TMEM87B: variants seen among roughly 807,000 people sequenced by gnomAD.
TMEM87B encodes the protein transmembrane protein 87B.
In TMEM87B, 83 loss-of-function variants were observed where a neutral mutation model predicts 80.3. The ratio of observed to expected loss-of-function variants is 1.03; its 90% CI spans 0.87 to 1.24. The LOEUF (loss-of-function observed/expected upper bound fraction) is 1.24. Among genes scored for constraint, TMEM87B ranks in the 50% most tolerant of loss-of-function variants. The probability of loss-of-function intolerance (pLI) is 0.00; values close to 1 mark genes in which losing one functional copy is unlikely to be tolerated. For synonymous variants in TMEM87B, 219 were observed against 230.5 expected (o/e 0.95, Z 0.45); for missense variants, 625 against 674.4 (o/e 0.93, Z 0.81).
chr2:112,097,960 A>G (rs939294345), intron 13 of TMEM87B, among the ~76,000 whole-genome samples: 12 of 151,282 alleles, frequency 7.9e-5, no homozygotes, highest in African/African-American at 2.9e-4. Context: ...TGTGTTCAGT[A>G]TGGGCATTCG....
chr2:112,099,368 A>G (rs1429022810), intron 14 of TMEM87B, among the ~76,000 whole-genome samples: 2 of 152,096 alleles, frequency 1.3e-5, no homozygotes, highest in Non-Finnish European at 2.9e-5. Context: ...TCAGATTTTC[A>G]GATTTGGGAT....
chr2:112,088,458 A>C lies in TMEM87B; in HGVS notation c.939-1167A>C, dbSNP rs536529925. 2.0e-4 allele frequency among the ~76,000 whole-genome samples: 31 copies of C among 152,358 alleles called. 1 individual carries two copies. In the Middle Eastern group the frequency reaches 0.017, roughly 84 times the overall value. ...TCTGGTTAGTTGATTATAATGAATC[A>C]GAATTTAGATTCCTTAGATTAGGTA... On this transcript the variant is annotated intron_variant, in intron 9 of 18. Coordinates refer to ENST00000283206, the MANE Select transcript of TMEM87B (RefSeq NM_032824.3).
intron 6 of TMEM87B, among the ~76,000 whole-genome samples, chr2:112,078,431 C>T (rs557028352): frequency 3.9e-5 from 6 of 152,100 alleles, no homozygotes; most frequent in South Asian, 2.1e-4. Context: ...TCTGCTCTCA[C>T]GGGGTGGAGG....
In TMEM87B at chr2:112,097,733, AAAAAC is replaced by A. The variant is rs1679513804; in HGVS notation, c.1272+443_1272+447del. Among the ~76,000 whole-genome samples, 7 of 151,720 alleles carry A rather than the reference AAAAAC, an allele frequency of 4.6e-5. No homozygotes were observed. In the South Asian group the frequency reaches 1.2e-3, roughly 27 times the overall value. The stretch of plus-strand genomic sequence containing the variant: ...ATCTCAAAAAAAAAAAAAAAAAAAA[AAAAAC>A]TTTTAACTCCTCCAAGTGAGTCTGA... On this transcript the variant is annotated intron_variant, in intron 13 of 18. Coordinates refer to ENST00000283206, the MANE Select transcript of TMEM87B (RefSeq NM_032824.3).
chr2:112,060,418 C>T (rs1389856024), intron 2 of TMEM87B, among the ~76,000 whole-genome samples: 2 of 152,094 alleles, frequency 1.3e-5, no homozygotes, highest in East Asian at 3.8e-4. Flanking sequence ...CAAATACATT[C>T]ATGTAAATGA....
At chr2:112,109,573 G>T (rs972122756) in intron 17 of TMEM87B, among the ~76,000 whole-genome samples, 2 of 150,868 alleles carry the variant, frequency 1.3e-5, no homozygotes, top group Non-Finnish European at 2.9e-5. Flanking sequence ...GTTCTCATGT[G>T]TGTGATGTGA....
At position 112,116,852 on chromosome 2, in the gene TMEM87B, T is replaced by C. The variant is rs1267457132; in HGVS notation, c.*709T>C. On this transcript the variant is annotated 3_prime_UTR_variant, in exon 19 of 19. Coordinates refer to ENST00000283206, the MANE Select transcript of TMEM87B (RefSeq NM_032824.3). ...CACTACCAAAGAATTACCCTCATTG[T>C]CCCTCACTCAGGCCATGTGTACATG... The C allele has an allele frequency of 6.6e-6, 1 of 152,586 alleles. No homozygotes were observed. The highest frequency in any genetic ancestry group is 1.9e-4 in the East Asian group (1 of 5,198). The allele number at this position is 152,586 out of a possible 1,614,324, so 9.5% of individuals were successfully genotyped here.
Position 112,081,084 on chromosome 2 carries a change from G to A in TMEM87B, c.620G>A (p.Gly207Glu), listed in dbSNP as rs1573701954. The change falls in exon 7 of 19, where the codon GGA becomes GAA. Residue 207 changes from glycine to glutamate, a missense_variant. Coordinates refer to ENST00000283206, the MANE Select transcript of TMEM87B (RefSeq NM_032824.3). ...NVSLSMIGPHGYISASDWPLM... is the reference protein window; with the variant it reads ...NVSLSMIGPHEYISASDWPLM... ...TCTCTTTCTATGATTGGGCCTCATG[G>A]ATATATCTCTGCATCAGATTGGCCC... is the stretch of plus-strand genomic sequence containing the variant. 4.3e-6 allele frequency: 7 copies of A among 1,612,662 alleles called. No individual in the cohort carries two copies. The highest frequency in any genetic ancestry group is 5.9e-6 in the Non-Finnish European group (7 of 1,179,718).
At chr2:112,082,142 C>T (rs1362363845) in intron 8 of TMEM87B, among the ~76,000 whole-genome samples, 3 of 152,220 alleles carry the variant, frequency 2.0e-5, no homozygotes, top group Non-Finnish European at 4.4e-5. Context: ...AAAGGTACAA[C>T]TCTCCCACCA....
chr2:112,063,834 G>A (rs1678332278), intron 2 of TMEM87B, among the ~76,000 whole-genome samples: 1 of 152,158 alleles, frequency 6.6e-6, no homozygotes, highest in African/African-American at 2.4e-5. Flanking sequence ...CACAGGATGG[G>A]GCTCACTCAG....
chr2:112,078,765 A>G (rs111877423), intron 6 of TMEM87B, among the ~76,000 whole-genome samples: 40 of 152,274 alleles, frequency 2.6e-4, no homozygotes, highest in African/African-American at 7.0e-4. Context: ...TATTATTGCT[A>G]TCTCAGACAA....
At chr2:112,069,591 A>C (rs1678564046) in intron 4 of TMEM87B, among the ~76,000 whole-genome samples, 1 of 152,196 alleles carries the variant, frequency 6.6e-6, no homozygotes. Flanking sequence ...GGTTGATTCC[A>C]TATCTTTGGC....
intron 14 of TMEM87B, 72 bp from the exon 15 acceptor site, chr2:112,100,550 G>A: frequency 1.1e-6 from 1 of 911,336 alleles, no homozygotes; most frequent in Non-Finnish European, 1.7e-6. Context: ...TTATACAATG[G>A]CTTTTAGATA....
intron 18 of TMEM87B, 88 bp from the exon 19 acceptor site, chr2:112,115,996 T>C: frequency 4.3e-6 from 4 of 933,712 alleles, no homozygotes; most frequent in Non-Finnish European, 6.7e-6. Flanking sequence ...TTTCCCTAAA[T>C]GTGGCTGTTG....
chr2:112,098,211 A>G (rs558543516), intron 13 of TMEM87B, among the ~76,000 whole-genome samples: 1 of 152,340 alleles, frequency 6.6e-6, no homozygotes, highest in Admixed American at 6.5e-5. Context: ...GCTAGTCTCT[A>G]GTGCCATATA....
At position 112,116,243 on chromosome 2, in the gene TMEM87B, G is replaced by C; in HGVS notation, c.*100G>C. 5 of 1,027,018 alleles carry C rather than the reference G, an allele frequency of 4.9e-6. No individual in the cohort carries two copies. Among genetic ancestry groups the C allele is most frequent in the Non-Finnish European group, 5.7e-6 (4 of 700,416 alleles). 63.6% of individuals were successfully genotyped at this position (1,027,018 alleles called of 1,614,324 possible). ...GATATTGCCTAAAAATTTTTATTGT[G>C]TTATCTTGGAAGTCTGTGTATCAAA... On this transcript the variant is annotated 3_prime_UTR_variant, in exon 19 of 19. Coordinates refer to ENST00000283206, the MANE Select transcript of TMEM87B (RefSeq NM_032824.3).
At chr2:112,092,091 C>A (rs183825209) in intron 11 of TMEM87B, among the ~76,000 whole-genome samples, 1 of 152,186 alleles carries the variant, frequency 6.6e-6, no homozygotes, top group Non-Finnish European at 1.5e-5. Flanking sequence ...TAACTGGCAT[C>A]AGTATAGCAG....
chr2:112,062,764 C>T (rs973252223), intron 2 of TMEM87B, among the ~76,000 whole-genome samples: 2 of 152,130 alleles, frequency 1.3e-5, no homozygotes, highest in African/African-American at 4.8e-5. Context: ...AGCCTTTTGT[C>T]TAGGGCAAAC....
At chr2:112,056,612 A>G (rs554348962) in intron 1 of TMEM87B, among the ~76,000 whole-genome samples, 4 of 152,304 alleles carry the variant, frequency 2.6e-5, no homozygotes, top group East Asian at 1.9e-4. Flanking sequence ...TGGGATGGGT[A>G]TTTTCCACAT....
Sources: gnomAD v4.1 joint callset for allele counts (sites outside exome capture counted in the v4.1 genomes callset) on GRCh38, gnomAD v4.1.1 for gene constraint, MANE v1.5 for transcripts, NCBI Gene and HGNC (gene_info 2026-07-23, HGNC 2026-07-21) for gene names.